Variants in ZNF469 observed in about 807,000 individuals in gnomAD.
ZNF469 encodes zinc finger protein 469.
A neutral mutation model predicts 1.0 loss-of-function variants in ZNF469; 1 was observed. The ratio of observed to expected loss-of-function variants is 1.00; its 90% CI spans 0.35 to 4.73. The LOEUF (loss-of-function observed/expected upper bound fraction) is 4.73, where lower values mean the gene tolerates loss of function less well. Ranked by LOEUF, ZNF469 falls within the 30% of genes most tolerant of loss-of-function variation. ZNF469 has a pLI of 0.16. For missense variants in ZNF469, 6,100 were observed against 5,356.3 expected (o/e 1.14, Z -4.33); for synonymous variants, 2,703 against 2,363.4 (o/e 1.14, Z -4.17).
At chr16:88,200,653 C>G in the ZNF469 span, among the ~76,000 whole-genome samples, 1 of 152,248 alleles carries the variant, frequency 6.6e-6, no homozygotes, top group African/African-American at 2.4e-5. Flanking sequence ...GTAGGGGCGG[C>G]CCAGACCAGG....
chr16:88,172,330 G>A, the ZNF469 span, among the ~76,000 whole-genome samples: 22 of 152,242 alleles, frequency 1.4e-4, no homozygotes, highest in South Asian at 4.1e-4. Context: ...GGTGGGGGAC[G>A]GTTTGTGTTC....
chr16:88,412,429 C>T (rs1905196859), intron 1 of ZNF469, among the ~76,000 whole-genome samples: 1 of 152,208 alleles, frequency 6.6e-6, no homozygotes, highest in South Asian at 2.1e-4. Flanking sequence ...AGGCACCTCG[C>T]TTAACCTCTC....
At chr16:88,388,593 G>A (rs1904402403) in intron 1 of ZNF469, among the ~76,000 whole-genome samples, 1 of 152,256 alleles carries the variant, frequency 6.6e-6, no homozygotes, top group African/African-American at 2.4e-5. Flanking sequence ...TGCATTCCGG[G>A]CAGGGGCAGG....
At chr16:88,165,266 T>C in the ZNF469 span, among the ~76,000 whole-genome samples, 5 of 152,274 alleles carry the variant, frequency 3.3e-5, no homozygotes, top group African/African-American at 1.2e-4. Context: ...AAGCATGTGC[T>C]GCCTTCCCTG....
the ZNF469 span, among the ~76,000 whole-genome samples, chr16:88,377,665 C>G: frequency 2.0e-5 from 3 of 152,048 alleles, no homozygotes; most frequent in Non-Finnish European, 2.9e-5. Context: ...ACTCCCCATC[C>G]TCCCTCCTCT....
At chr16:88,356,405 C>G in the ZNF469 span, among the ~76,000 whole-genome samples, 1 of 152,094 alleles carries the variant, frequency 6.6e-6, no homozygotes, top group Non-Finnish European at 1.5e-5. Context: ...CATGCAGGAG[C>G]CCCTGGGGAG....
chr16:88,435,102 A>T lies in ZNF469; in HGVS notation c.7632A>T (p.Gly2544=). The change falls in exon 3 of 3, where the codon GGA becomes GGT. Residue 2544 remains glycine (G), a synonymous_variant. Transcript: ENST00000565624. ...AGGAGAGACCAAATCACTCACGGGG[A>T]GACCCCAGCCACGTCACCCAGCCAC... ...SGKERPNHSR[G]DPSHVTQPPP... 1 of 1,550,352 alleles carries T rather than the reference A, an allele frequency of 6.5e-7. No homozygotes were observed. The highest frequency in any genetic ancestry group is 8.7e-7 in the Non-Finnish European group (1 of 1,146,972).
At chr16:88,186,866 A>ACGGGGC in the ZNF469 span, among the ~76,000 whole-genome samples, 2 of 152,040 alleles carry the variant, frequency 1.3e-5, no homozygotes, top group South Asian at 4.1e-4. Flanking sequence ...GCTGTGACTC[A>ACGGGGC]CGGGGCCTGA....
the ZNF469 span, among the ~76,000 whole-genome samples, chr16:88,115,337 T>C: frequency 1.3e-5 from 2 of 151,922 alleles, no homozygotes; most frequent in East Asian, 3.9e-4. Context: ...TATAAAAAGC[T>C]TTAGGAAGAC....
At position 88,428,287 on chromosome 16, in the gene ZNF469, T is replaced by G; in HGVS notation, c.817T>G (p.Phe273Val). Reference sequence around the variant, plus strand: ...CGGCGGCAGCCCCAGGGGAGTTTCCTTCCAGTTCCCCTTCCCGGCACTGCA... The same window carrying G: ...CGGCGGCAGCCCCAGGGGAGTTTCCGTCCAGTTCCCCTTCCCGGCACTGCA... The part of the protein sequence containing the change: ...RPGGSPRGVS[F>V]QFPFPALHGA... Residue 273 changes from phenylalanine to valine, a missense_variant, in exon 3 of 3, where the codon TTC (phenylalanine) becomes GTC (valine). Transcript: ENST00000565624. 1 of 1,550,352 alleles carries G rather than the reference T, an allele frequency of 6.5e-7. No individual in the cohort carries two copies. Among genetic ancestry groups the G allele is most frequent in the Non-Finnish European group, 8.7e-7 (1 of 1,146,930 alleles).
chr16:88,231,302 G>T, the ZNF469 span, among the ~76,000 whole-genome samples: 3 of 152,222 alleles, frequency 2.0e-5, no homozygotes, highest in East Asian at 5.8e-4. The surrounding 1 kb of genome is among the most constrained non-coding windows in gnomAD (Gnocchi z 4.5). Context: ...TTTGGGCGGG[G>T]CTCAGGGAAC....
At chr16:88,327,553 T>TG in the ZNF469 span, among the ~76,000 whole-genome samples, 1,095 of 147,650 alleles carry the variant, frequency 7.4e-3, 6 homozygotes, top group Non-Finnish European at 0.011. Flanking sequence ...ACGTTGGGGT[T>TG]GGGGGGGGGT....
At chr16:88,114,780 T>C in the ZNF469 span, among the ~76,000 whole-genome samples, 3 of 152,180 alleles carry the variant, frequency 2.0e-5, no homozygotes, top group Non-Finnish European at 4.4e-5. Context: ...AGAGGGGCTG[T>C]TGGGGAAGAG....
chr16:88,269,474 C>T, the ZNF469 span, among the ~76,000 whole-genome samples: 1 of 152,238 alleles, frequency 6.6e-6, no homozygotes, highest in Admixed American at 6.5e-5. Context: ...TTTTTCTTTT[C>T]TTTTTCCCAA....
intron 1 of ZNF469, among the ~76,000 whole-genome samples, chr16:88,417,048 G>C (rs1007058454): frequency 6.6e-6 from 1 of 152,248 alleles, no homozygotes; most frequent in Non-Finnish European, 1.5e-5. Context: ...ACAGCTCCAA[G>C]AGAAAGGCAG....
chr16:88,164,690 A>C, the ZNF469 span, among the ~76,000 whole-genome samples: 1 of 152,154 alleles, frequency 6.6e-6, no homozygotes, highest in Admixed American at 6.5e-5. Context: ...TGGCTCTGCC[A>C]GTGGGGATCA....
Position 88,437,791 on chromosome 16 carries a change from C to T in ZNF469, c.10321C>T (p.Leu3441Phe), listed in dbSNP as rs973392073. The T allele has an allele frequency of 6.5e-7, 1 of 1,546,890 alleles. No homozygotes were observed. Among genetic ancestry groups the T allele is most frequent in the Non-Finnish European group, 8.7e-7 (1 of 1,144,328 alleles). The change falls in exon 3 of 3, where the codon CTC becomes TTC. Residue 3441 changes from leucine (L) to phenylalanine (F), a missense_variant. Leu to Phe is a conservative substitution (Grantham distance 22). Coordinates refer to ENST00000565624, the MANE Select transcript of ZNF469 (RefSeq NM_001367624.2). The stretch of plus-strand genomic sequence containing the variant: ...GTTCGACCGCCACATGAACAAGCAC[C>T]TCAGGGGGGGGCGGCAGCCCTTCGC... Reference protein sequence around the residue: ...EQFDRHMNKHLRGGRQPFAFR... With the variant: ...EQFDRHMNKHFRGGRQPFAFR...
the ZNF469 span, among the ~76,000 whole-genome samples, chr16:88,241,241 C>T: frequency 8.3e-4 from 126 of 152,154 alleles, no homozygotes; most frequent in South Asian, 2.1e-3. This position sits in a 1 kb window ranked among gnomAD's most constrained non-coding sequence, Gnocchi z 4.8. Context: ...CACCTGTAAT[C>T]CCAGCTACTT....
the ZNF469 span, among the ~76,000 whole-genome samples, chr16:88,149,417 A>AGAGGCCATT: frequency 6.6e-6 from 1 of 152,140 alleles, no homozygotes; most frequent in East Asian, 1.9e-4. Flanking sequence ...GTGTCCTGAC[A>AGAGGCCATT]GAGGCCATTT....
Sources: gnomAD v4.1 joint callset for allele counts (sites outside exome capture counted in the v4.1 genomes callset) on GRCh38, gnomAD v4.1.1 for gene constraint, Gnocchi (gnomAD v3.1) non-coding constraint, MANE v1.5 for transcripts, NCBI Gene and HGNC (gene_info 2026-07-23, HGNC 2026-07-21) for gene names.